The following UBE2W variants were observed in gnomAD, a reference collection of about 807,000 sequenced individuals.
The protein encoded by UBE2W is ubiquitin conjugating enzyme E2 W, also known as ubiquitin-conjugating enzyme E2 W.
UBE2W carries 18 observed loss-of-function variants against 27.2 expected under a neutral mutation model. The ratio of observed to expected loss-of-function variants is 0.66; its 90% confidence interval spans 0.46 to 0.98. The LOEUF is 0.98. Among genes scored for constraint, UBE2W ranks in the 50% least tolerant of loss-of-function variants. The pLI, the probability that UBE2W is intolerant of heterozygous loss-of-function variation, is 0.00. For synonymous variants in UBE2W, 53 were observed against 57.2 expected, an observed-to-expected ratio of 0.93 and a Z score of 0.33; for missense variants, 90 against 180.2, an observed-to-expected ratio of 0.50 and a Z score of 2.87.
chr8:73,786,123 C>T, downstream of UBE2W: 1 of 743,368 alleles, frequency 1.3e-6, no homozygotes, highest in Non-Finnish European at 1.6e-6. Flanking sequence ...TTTATGGTTC[C>T]TGAGATGTAT....
In UBE2W at chr8:73,787,668, C is replaced by G. The variant is rs1160125716; in HGVS notation, c.*6434G>C. On this transcript the variant is annotated 3_prime_UTR_variant, in exon 6 of 6. Coordinates refer to ENST00000602593, the MANE Select transcript of UBE2W (RefSeq NM_018299.6). ...AGGAATAACAGATGCTGAGATAGCC[C>G]CTTCTTGTGGTTATTTCTTTCCTCT... 2 of 985,350 alleles carry G rather than the reference C, an allele frequency of 2.0e-6. No homozygotes were observed. The highest frequency in any genetic ancestry group is 9.4e-5 in the South Asian group (2 of 21,284). 61.0% of individuals were successfully genotyped at this position (985,350 alleles called of 1,614,324 possible).
In UBE2W at chr8:73,790,529, G is replaced by C. The variant is rs996491039; in HGVS notation, c.*3573C>G. 4 of 983,944 alleles carry C rather than the reference G, an allele frequency of 4.1e-6. No homozygotes were observed. The African/African-American group carries it at 7.0e-5, about 17-fold the overall frequency. The allele number at this position is 983,944 out of a possible 1,614,324, so 61.0% of individuals were successfully genotyped here. A position where few individuals can be genotyped will look rare whatever the true frequency, so the allele number is the denominator to read the frequency against. On this transcript the variant is annotated 3_prime_UTR_variant, in exon 6 of 6. Coordinates refer to ENST00000602593, the MANE Select transcript of UBE2W (RefSeq NM_018299.6). ...AATTACAAATAATTGTAAATTTTAA[G>C]CATTCAGCTAAGATATGTACAAAAA...
intron 1 of UBE2W, among the ~76,000 whole-genome samples, chr8:73,858,136 G>A (rs887285821): frequency 2.6e-5 from 4 of 152,018 alleles, no homozygotes; most frequent in African/African-American, 9.7e-5. Flanking sequence ...CGAGGTGGGT[G>A]GATCACCTGA....
In UBE2W at chr8:73,788,582, T is replaced by C. The variant is rs1047823785; in HGVS notation, c.*5520A>G. ...ATGGTATCTGACACAATTTACCAAG[T>C]TCCTTATGGTAGATTTCAGGCTTTA... On this transcript the variant is annotated 3_prime_UTR_variant, in exon 6 of 6. Coordinates refer to ENST00000602593, the MANE Select transcript of UBE2W (RefSeq NM_018299.6). The C allele has an allele frequency of 2.0e-6, 2 of 985,326 alleles. No individual in the cohort carries two copies. The highest frequency in any genetic ancestry group is 1.7e-5 in the African/African-American group (1 of 57,250). The allele number at this position is 985,326 out of a possible 1,614,324, so 61.0% of individuals were successfully genotyped here.
Position 73,787,608 on chromosome 8 carries a change from G to A in UBE2W, c.*6494C>T. The A allele has an allele frequency of 2.0e-6, 2 of 985,356 alleles. No homozygotes were observed. Among genetic ancestry groups the A allele is most frequent in the Non-Finnish European group, 2.4e-6 (2 of 829,904 alleles). The allele number at this position is 985,356 out of a possible 1,614,324, so 61.0% of individuals were successfully genotyped here. On this transcript the variant is annotated 3_prime_UTR_variant, in exon 6 of 6. Coordinates refer to ENST00000602593, the MANE Select transcript of UBE2W (RefSeq NM_018299.6). ...AGCAGATCCCCTGCAGAAAAGCTTA[G>A]AATTACCAGCAGAGCATATTTAATT...
intron 1 of UBE2W, among the ~76,000 whole-genome samples, chr8:73,853,039 C>T (rs772225069): frequency 5.4e-4 from 82 of 152,152 alleles, no homozygotes; most frequent in African/African-American, 8.4e-4. Context: ...GGAGCCTTTG[C>T]GAGGTAACTA....
chr8:73,806,716 C>T (rs1212222310), intron 4 of UBE2W, among the ~76,000 whole-genome samples: 1 of 151,974 alleles, frequency 6.6e-6, no homozygotes. Context: ...CGTCTCAAAA[C>T]AAAACAGAAA....
intron 1 of UBE2W, among the ~76,000 whole-genome samples, chr8:73,856,559 C>G (rs111314465): frequency 0.12 from 17,066 of 143,832 alleles, 1,038 homozygotes; most frequent in Middle Eastern, 0.18. Context: ...GAGACAGGGT[C>G]TCGCTGGTCT....
At chr8:73,828,241 CA>C in intron 2 of UBE2W, among the ~76,000 whole-genome samples, 1 of 152,226 alleles carries the variant, frequency 6.6e-6, no homozygotes, top group Middle Eastern at 3.4e-3. Flanking sequence ...GGTTCTTAAT[CA>C]AAGACACAAC....
chr8:73,853,573 T>C (rs896218618), intron 1 of UBE2W, among the ~76,000 whole-genome samples: 1 of 152,142 alleles, frequency 6.6e-6, no homozygotes, highest in Admixed American at 6.5e-5. Context: ...GCAAAATATA[T>C]TTAATTGGAA....
At chr8:73,798,151 C>T (rs1209583176) in intron 5 of UBE2W, among the ~76,000 whole-genome samples, 1 of 152,080 alleles carries the variant, frequency 6.6e-6, no homozygotes, top group Non-Finnish European at 1.5e-5. Context: ...CAAAAATTAG[C>T]TAGGCATGGT....
intron 3 of UBE2W, among the ~76,000 whole-genome samples, chr8:73,821,556 T>TGGGGGGGGGGGGGGGGG (rs1554581573): frequency 1.3e-4 from 1 of 7,724 alleles, no homozygotes; most frequent in African/African-American, 5.0e-4. Flanking sequence ...AGTGTGTGTG[T>TGGGGGGGGGGGGGGGGG]GGGGGGGGGG....
At chr8:73,839,446 G>GT (rs1342885004) in intron 1 of UBE2W, among the ~76,000 whole-genome samples, 8 of 151,430 alleles carry the variant, frequency 5.3e-5, no homozygotes, top group Admixed American at 2.6e-4. Context: ...GAGGTCAGGA[G>GT]TTTGAGACCA....
rs928933351 is a variant in UBE2W, at chr8:73,793,616, A to G, written c.*486T>C. Reference sequence around the variant, plus strand: ...AATATAAACAGTTGGGGTGACTTTTAAAGTAATGTTGGATCCCTCACTTTA... The same window carrying G: ...AATATAAACAGTTGGGGTGACTTTTGAAGTAATGTTGGATCCCTCACTTTA... On this transcript the variant is annotated 3_prime_UTR_variant, in exon 6 of 6. Coordinates refer to ENST00000602593, the MANE Select transcript of UBE2W (RefSeq NM_018299.6). 5.1e-6 allele frequency: 5 copies of G among 986,272 alleles called. No individual in the cohort carries two copies. The highest frequency in any genetic ancestry group is 6.1e-5 in the Admixed American group (1 of 16,284). The allele number at this position is 986,272 out of a possible 1,614,324, so 61.1% of individuals were successfully genotyped here.
chr8:73,834,375 C>G (rs1178621045), intron 1 of UBE2W, among the ~76,000 whole-genome samples: 1 of 152,160 alleles, frequency 6.6e-6, no homozygotes, highest in African/African-American at 2.4e-5. Flanking sequence ...TCTGTGATCA[C>G]GTACATTTTT....
chr8:73,802,282 T>G (rs1808678795), intron 5 of UBE2W, among the ~76,000 whole-genome samples: 1 of 152,258 alleles, frequency 6.6e-6, no homozygotes, highest in African/African-American at 2.4e-5. Flanking sequence ...GTATTGCATT[T>G]GTTTTATAAA....
At chr8:73,834,150 C>G (rs1810211505) in intron 1 of UBE2W, 1 of 152,196 alleles carries the variant, frequency 6.6e-6, no homozygotes, top group Admixed American at 6.5e-5. Context: ...TGAAATATTA[C>G]TATCAGTAAG....
intron 1 of UBE2W, among the ~76,000 whole-genome samples, chr8:73,840,816 C>A (rs1160778809): frequency 6.6e-6 from 1 of 152,048 alleles, no homozygotes; most frequent in South Asian, 2.1e-4. Context: ...AGTTCAAACT[C>A]GTGTTGTTTC....
At chr8:73,794,276 T>C (rs946741723) in intron 5 of UBE2W, among the ~76,000 whole-genome samples, 161 bp from the exon 6 acceptor site, 1 of 152,220 alleles carries the variant, frequency 6.6e-6, no homozygotes, top group Non-Finnish European at 1.5e-5. Context: ...GCAATATATG[T>C]TCAATTATAC....
Sources: gnomAD v4.1 joint callset for allele counts (sites outside exome capture counted in the v4.1 genomes callset) on GRCh38, gnomAD v4.1.1 for gene constraint, MANE v1.5 for transcripts, NCBI Gene and HGNC (gene_info 2026-07-23, HGNC 2026-07-21) for gene names.